The following DENND1A variants were observed in gnomAD, a reference collection of about 807,000 sequenced individuals.
DENND1A encodes the protein DENN domain-containing protein 1A.
Under a neutral mutation model 113.7 loss-of-function variants are expected in DENND1A, and 51 were observed. The ratio of observed to expected loss-of-function variants is 0.45; its 90% CI spans 0.36 to 0.57. DENND1A has a LOEUF of 0.57. Ranked by LOEUF, DENND1A falls within the 20% of genes least tolerant of loss-of-function variation. DENND1A has a pLI of 0.00. For missense variants in DENND1A, 1,258 were observed against 1,395.9 expected (o/e 0.90, Z 1.57); for synonymous variants, 565 against 570.8 (o/e 0.99, Z 0.14).
intron 12 of DENND1A, among the ~76,000 whole-genome samples, chr9:123,580,434 C>T (rs2058833930): frequency 6.6e-6 from 1 of 152,240 alleles, no homozygotes; most frequent in Non-Finnish European, 1.5e-5. Flanking sequence ...GTTTCCTTTA[C>T]TGACATACAA....
chr9:123,427,303 T>G (rs1450053929), intron 19 of DENND1A, among the ~76,000 whole-genome samples: 1 of 152,238 alleles, frequency 6.6e-6, no homozygotes, highest in Non-Finnish European at 1.5e-5. Flanking sequence ...TTCACAGATG[T>G]GGCACAGAGT....
chr9:123,583,397 A>G, intron 11 of DENND1A, 127 bp from the exon 12 acceptor site: 2 of 629,242 alleles, frequency 3.2e-6, no homozygotes, highest in Non-Finnish European at 5.6e-6. Flanking sequence ...ACTCTGCAGC[A>G]GGCCCAATGG....
chr9:123,661,727 C>G (rs914134030), intron 8 of DENND1A, among the ~76,000 whole-genome samples: 3 of 151,934 alleles, frequency 2.0e-5, no homozygotes, highest in Non-Finnish European at 4.4e-5. Flanking sequence ...GAAAATAATA[C>G]GAGGAGAAGA....
chr9:123,381,205 A>G lies in DENND1A; in HGVS notation c.*227T>C. ...CGAGGAGAGGCAACCGCGGGGTGGG[A>G]TGGGCACTCAGGAACTGGGTTGATT... On this transcript the variant is annotated 3_prime_UTR_variant, in exon 24 of 24. Coordinates refer to ENST00000394215, the MANE Select transcript of DENND1A (RefSeq NM_001352964.2). This position sits in a 1 kb window ranked among gnomAD's most constrained non-coding sequence, Gnocchi z 4.7. 1 of 589,560 alleles carries G rather than the reference A, an allele frequency of 1.7e-6. No homozygotes were observed. The allele number at this position is 589,560 out of a possible 1,614,324, so 36.5% of individuals were successfully genotyped here.
intron 2 of DENND1A, among the ~76,000 whole-genome samples, chr9:123,819,919 G>C (rs1036405981): frequency 6.6e-6 from 1 of 151,952 alleles, no homozygotes; most frequent in African/African-American, 2.4e-5. Context: ...ATTCTAAATT[G>C]AAACTTAAAA....
At chr9:123,639,639 T>C (rs1290757917) in intron 9 of DENND1A, among the ~76,000 whole-genome samples, 8 of 151,530 alleles carry the variant, frequency 5.3e-5, no homozygotes, top group Non-Finnish European at 1.0e-4. Context: ...TAGCCAGGCA[T>C]GGTGCCACAT....
At position 123,526,509 on chromosome 9, in the gene DENND1A, T is replaced by C. The variant is rs1039404025; in HGVS notation, c.993+31061A>G. 5.5e-4 allele frequency among the ~76,000 whole-genome samples: 84 copies of C among 152,282 alleles called. 1 individual carries two copies. The highest frequency in any genetic ancestry group is 3.4e-3 in the Middle Eastern group (1 of 294). On this transcript the variant is annotated intron_variant, in intron 13 of 23. Transcript: ENST00000394215. ...TCAGCCCTACATGACCATCTGGTTG[T>C]CATCATTTTCCCTCTCCCCCAGCCA...
At chr9:123,407,247 T>A (rs2131401531) in intron 20 of DENND1A, among the ~76,000 whole-genome samples, 1 of 151,614 alleles carries the variant, frequency 6.6e-6, no homozygotes, top group East Asian at 2.0e-4. Context: ...AGGCGGTTGG[T>A]CACCAGCATG....
intron 22 of DENND1A, among the ~76,000 whole-genome samples, chr9:123,385,353 C>T (rs1042635837): frequency 9.9e-5 from 15 of 152,112 alleles, no homozygotes; most frequent in African/African-American, 1.9e-4. Context: ...TTAGTAGAGA[C>T]GGGGTTTCAC....
intron 11 of DENND1A, among the ~76,000 whole-genome samples, chr9:123,591,357 G>A (rs143385863): frequency 6.6e-6 from 1 of 152,278 alleles, no homozygotes; most frequent in Non-Finnish European, 1.5e-5. Context: ...CAAGATGAAA[G>A]GCAAGGGTGT....
intron 19 of DENND1A, among the ~76,000 whole-genome samples, chr9:123,438,139 C>G (rs2046657872): frequency 6.6e-6 from 1 of 152,198 alleles, no homozygotes; most frequent in Non-Finnish European, 1.5e-5. Flanking sequence ...GTCCTTAAAA[C>G]TCATGCCTGC....
intron 10 of DENND1A, among the ~76,000 whole-genome samples, chr9:123,624,224 T>C (rs2061094369): frequency 6.6e-6 from 1 of 152,218 alleles, no homozygotes; most frequent in South Asian, 2.1e-4. Context: ...CCTTCAAATT[T>C]ACATGTTTCA....
At chr9:123,554,942 G>C (rs566781795) in intron 13 of DENND1A, among the ~76,000 whole-genome samples, 11 of 152,276 alleles carry the variant, frequency 7.2e-5, no homozygotes, top group African/African-American at 1.4e-4. Flanking sequence ...TCATAAGACA[G>C]ACTTTAATTT....
chr9:123,772,364 T>C (rs1200973812), intron 3 of DENND1A, among the ~76,000 whole-genome samples: 1 of 152,202 alleles, frequency 6.6e-6, no homozygotes, highest in African/African-American at 2.4e-5. Flanking sequence ...TCCCACAGTC[T>C]TTCAATATTA....
At chr9:123,555,522 C>T (rs2057368442) in intron 13 of DENND1A, among the ~76,000 whole-genome samples, 1 of 152,212 alleles carries the variant, frequency 6.6e-6, no homozygotes, top group Non-Finnish European at 1.5e-5. Context: ...GGAAGGGATG[C>T]TCCCTTCTTT....
Position 123,660,367 on chromosome 9 carries a change from A to G in DENND1A, c.507+6659T>C, listed in dbSNP as rs1195438578. Among the ~76,000 whole-genome samples, 4 of 152,336 alleles carry G rather than the reference A, an allele frequency of 2.6e-5. No homozygotes were observed. The East Asian group carries it at 7.7e-4, about 29-fold the overall frequency. On this transcript the variant is annotated intron_variant, in intron 8 of 23. Transcript: ENST00000394215. ...TTGGTTCATTAGTAGCAAAACCAGCAGAAGGAATGTAAATTTTTAAAATAG... is the reference window on the plus strand; with the variant it reads ...TTGGTTCATTAGTAGCAAAACCAGCGGAAGGAATGTAAATTTTTAAAATAG...
intron 13 of DENND1A, among the ~76,000 whole-genome samples, chr9:123,535,040 C>T (rs2055627051): frequency 1.3e-5 from 2 of 152,122 alleles, no homozygotes; most frequent in African/African-American, 2.4e-5. Context: ...TTTCCCTCAT[C>T]GAACACATCA....
chr9:123,725,845 G>A (rs1258531103), intron 5 of DENND1A, among the ~76,000 whole-genome samples: 1 of 152,178 alleles, frequency 6.6e-6, no homozygotes, highest in South Asian at 2.1e-4. Flanking sequence ...GAAATCTTGA[G>A]GAAGATATCT....
At chr9:123,547,440 A>G (rs2056774844) in intron 13 of DENND1A, among the ~76,000 whole-genome samples, 1 of 152,182 alleles carries the variant, frequency 6.6e-6, no homozygotes, top group Admixed American at 6.5e-5. Flanking sequence ...GAGGCAGGAG[A>G]ATCACTTGAA....
Sources: gnomAD v4.1 joint callset for allele counts (sites outside exome capture counted in the v4.1 genomes callset) on GRCh38, gnomAD v4.1.1 for gene constraint, Gnocchi (gnomAD v3.1) non-coding constraint, MANE v1.5 for transcripts, NCBI Gene and HGNC (gene_info 2026-07-23, HGNC 2026-07-21) for gene names.